MCPH1: variants seen among roughly 807,000 people sequenced by gnomAD.
MCPH1 encodes the protein microcephalin.
In MCPH1, 104 loss-of-function variants were observed where a neutral mutation model predicts 84.5. The ratio of observed to expected loss-of-function variants is 1.23; its 90% CI spans 1.05 to 1.45. The LOEUF (loss-of-function observed/expected upper bound fraction) is 1.45, where lower values mean the gene tolerates loss of function less well. Ranked by LOEUF, MCPH1 falls within the 40% of genes most tolerant of loss-of-function variation. The probability of loss-of-function intolerance (pLI) is 0.00; values close to 1 mark genes in which losing one functional copy is unlikely to be tolerated. For missense variants in MCPH1, 1,498 were observed against 1,005.7 expected (o/e 1.49, Z -6.62); for synonymous variants, 514 against 366.8 (o/e 1.40, Z -4.58).
chr8:6,415,623 G>A (rs1019221972), intron 3 of MCPH1, among the ~76,000 whole-genome samples: 1 of 152,122 alleles, frequency 6.6e-6, no homozygotes, highest in Admixed American at 6.5e-5. Context: ...CAAAGTGCTA[G>A]GATTACAGGT....
intron 9 of MCPH1, among the ~76,000 whole-genome samples, chr8:6,467,802 T>C (rs1168542382): frequency 6.6e-6 from 1 of 152,144 alleles, no homozygotes; most frequent in African/African-American, 2.4e-5. Flanking sequence ...TTGGCTGTGT[T>C]GACCAGGCTG....
At chr8:6,521,332 C>G (rs765745691) in intron 12 of MCPH1, 2 of 1,613,796 alleles carry the variant, frequency 1.2e-6, no homozygotes, top group Non-Finnish European at 1.7e-6. Flanking sequence ...ACACCTGTAG[C>G]TGATCTTTCT....
At chr8:6,412,185 C>T (rs1798632840) in intron 2 of MCPH1, among the ~76,000 whole-genome samples, 2 of 152,098 alleles carry the variant, frequency 1.3e-5, no homozygotes, top group South Asian at 4.1e-4. Flanking sequence ...GCAGGGCCTG[C>T]ACTGCAGGAG....
At chr8:6,445,811 A>G (rs541845546) in intron 8 of MCPH1, 1 of 1,219,378 alleles carries the variant, frequency 8.2e-7, no homozygotes, top group African/African-American at 1.5e-5. Flanking sequence ...CAAAAGGATA[A>G]GTAGTCCATA....
At chr8:6,462,959 C>T (rs555002932) in intron 9 of MCPH1, among the ~76,000 whole-genome samples, 28 of 152,294 alleles carry the variant, frequency 1.8e-4, no homozygotes, top group African/African-American at 6.3e-4. Context: ...TTTGCCCACT[C>T]CCAGAGACCA....
intron 12 of MCPH1, among the ~76,000 whole-genome samples, chr8:6,569,380 T>C (rs1826476656): frequency 6.6e-6 from 1 of 152,228 alleles, no homozygotes; most frequent in South Asian, 2.1e-4. Context: ...TAGAGCCATT[T>C]TGCAAAAGTG....
At chr8:6,517,395 G>A (rs73522640) in intron 12 of MCPH1, among the ~76,000 whole-genome samples, 1,625 of 152,302 alleles carry the variant, frequency 0.011, 30 homozygotes, top group African/African-American at 0.038. Context: ...GGTGTCCTGT[G>A]AAATTTAGGG....
chr8:6,467,424 A>G (rs760359236), intron 9 of MCPH1, among the ~76,000 whole-genome samples: 2 of 152,212 alleles, frequency 1.3e-5, no homozygotes, highest in South Asian at 2.1e-4. Flanking sequence ...CATTAAAAGC[A>G]GTACTAAAAT....
intron 6 of MCPH1, among the ~76,000 whole-genome samples, chr8:6,440,562 T>G (rs1433215975): frequency 2.0e-5 from 3 of 152,214 alleles, no homozygotes; most frequent in Non-Finnish European, 4.4e-5. Flanking sequence ...TCAAAAAATT[T>G]GAGTCATCTT....
chr8:6,607,986 C>T (rs905565723), intron 12 of MCPH1, among the ~76,000 whole-genome samples: 1 of 152,196 alleles, frequency 6.6e-6, no homozygotes, highest in Non-Finnish European at 1.5e-5. Flanking sequence ...AAAGGCCAGA[C>T]CAACCATTTG....
In MCPH1 at chr8:6,539,408, G is replaced by A. The variant is rs140594668; in HGVS notation, c.2214+39479G>A. ...AGTTGAGGCAAAAGCTAAAGGCCGA[G>A]GGAGGGAAGCCTGGCCTCTGGTGCC... On this transcript the variant is annotated intron_variant, in intron 12 of 13. Coordinates refer to ENST00000344683, the MANE Select transcript of MCPH1 (RefSeq NM_024596.5). 9.2e-5 allele frequency among the ~76,000 whole-genome samples: 14 copies of A among 152,270 alleles called. 1 individual carries two copies. Among genetic ancestry groups the A allele is most frequent in the African/African-American group, 3.1e-4 (13 of 41,534 alleles).
At chr8:6,539,357 C>T (rs376366652) in intron 12 of MCPH1, among the ~76,000 whole-genome samples, 1 of 152,184 alleles carries the variant, frequency 6.6e-6, no homozygotes, top group African/African-American at 2.4e-5. Context: ...TTGGCCTTTT[C>T]TTCACGTTCA....
At chr8:6,498,931 G>T (rs1563291229) in intron 11 of MCPH1, among the ~76,000 whole-genome samples, 2 of 151,916 alleles carry the variant, frequency 1.3e-5, no homozygotes, top group Admixed American at 6.6e-5. Flanking sequence ...GGGCGCCTGT[G>T]GTCCCAGCTA....
At chr8:6,535,611 A>G (rs934203208) in intron 12 of MCPH1, among the ~76,000 whole-genome samples, 1 of 152,224 alleles carries the variant, frequency 6.6e-6, no homozygotes, top group Non-Finnish European at 1.5e-5. Context: ...GTCTATAAAT[A>G]TATACAGCTC....
intron 3 of MCPH1, among the ~76,000 whole-genome samples, chr8:6,423,194 T>TC (rs1454093368): frequency 2.9e-4 from 41 of 141,658 alleles, no homozygotes; most frequent in African/African-American, 9.6e-4. Context: ...TCTTTTCTTT[T>TC]TTTTTTTTTT....
At chr8:6,437,917 C>T (rs1563206730) in intron 5 of MCPH1, among the ~76,000 whole-genome samples, 2 of 152,224 alleles carry the variant, frequency 1.3e-5, no homozygotes. Flanking sequence ...CCTTACAGTT[C>T]ATCTCTGTGC....
intron 4 of MCPH1, among the ~76,000 whole-genome samples, chr8:6,432,424 G>A (rs1280410222): frequency 6.6e-6 from 1 of 152,042 alleles, no homozygotes; most frequent in Non-Finnish European, 1.5e-5. Flanking sequence ...CATAGATCTG[G>A]AACTTGCAGA....
At position 6,530,508 on chromosome 8, in the gene MCPH1, CAAAAAAAAAA is replaced by C. The variant is rs55729820; in HGVS notation, c.2214+30593_2214+30602del. Among the ~76,000 whole-genome samples the C allele has an allele frequency of 1.7e-3, 166 of 98,042 alleles. 2 individuals are homozygous for C. Among genetic ancestry groups the C allele is most frequent in the African/African-American group, 5.8e-3 (160 of 27,480 alleles). The allele number at this position is 98,042 out of a possible 152,430, so 64.3% of individuals were successfully genotyped here. On this transcript the variant is annotated intron_variant, in intron 12 of 13. Transcript: ENST00000344683. ...TGGGCAATGCAGTGAGACTCTGTCT[CAAAAAAAAAA>C]AAAAAAAAAAAAAGTAATGGCAAAA...
intron 12 of MCPH1, among the ~76,000 whole-genome samples, chr8:6,516,500 T>C (rs1374421284): frequency 6.6e-6 from 1 of 152,230 alleles, no homozygotes; most frequent in Non-Finnish European, 1.5e-5. Flanking sequence ...CTTTGGTAAA[T>C]AGGCCAAAAG....
Sources: allele counts gnomAD v4.1 joint callset (sites outside exome capture counted in the v4.1 genomes callset), GRCh38; gene constraint gnomAD v4.1.1; transcripts MANE v1.5; gene names NCBI Gene and HGNC (gene_info 2026-07-23, HGNC 2026-07-21).